Variants in PCDHA9 observed in about 807,000 individuals in gnomAD.
PCDHA9 encodes protocadherin alpha 9, also known as protocadherin alpha-9.
In PCDHA9, 62 loss-of-function variants were observed where a neutral mutation model predicts 62.0. That is an observed-to-expected ratio of 1.00 (90% CI 0.81 to 1.23). The LOEUF (loss-of-function observed/expected upper bound fraction) is 1.23, where lower values mean the gene tolerates loss of function less well. Among genes scored for constraint, PCDHA9 ranks in the 50% most tolerant of loss-of-function variants. PCDHA9 has a pLI of 0.00. For synonymous variants in PCDHA9, 557 were observed against 567.6 expected (o/e 0.98, Z 0.27); for missense variants, 1,205 against 1,249.8 (o/e 0.96, Z 0.54).
chr5:140,964,785 C>T (rs890090665), intron 1 of PCDHA9, among the ~76,000 whole-genome samples: 2 of 151,408 alleles, frequency 1.3e-5, no homozygotes, highest in East Asian at 3.9e-4. Context: ...GAGGAAGAAG[C>T]CAGAGACCCA....
At chr5:140,969,034 G>A in intron 1 of PCDHA9, 1 of 1,614,144 alleles carries the variant, frequency 6.2e-7, no homozygotes, top group East Asian at 2.2e-5. Flanking sequence ...CTGCAGAACT[G>A]TACAAACAAG....
chr5:140,951,863 C>T (rs991949987), intron 1 of PCDHA9, among the ~76,000 whole-genome samples: 10 of 152,096 alleles, frequency 6.6e-5, no homozygotes, highest in Non-Finnish European at 7.3e-5. Flanking sequence ...TCCAAAGTCT[C>T]ATCTGAGACA....
In PCDHA9 at chr5:140,928,392, G is replaced by A. The variant is rs17844366; in HGVS notation, c.2395-50557G>A. 2.0e-4 allele frequency: 326 copies of A among 1,614,052 alleles called. No homozygotes were observed. The East Asian group carries it at 6.6e-3, about 32-fold the overall frequency. Reference sequence around the variant, plus strand: ...CATCAGCCTCTAGCTTGCTGGCAGTGGAATCATCCAGTGGGGCCATCACTG... The same window carrying A: ...CATCAGCCTCTAGCTTGCTGGCAGTAGAATCATCCAGTGGGGCCATCACTG... On this transcript the variant is annotated intron_variant, in intron 1 of 3. Transcript: ENST00000532602.
At chr5:140,926,840 C>T (rs1427760232) in intron 1 of PCDHA9, 4 of 1,514,378 alleles carry the variant, frequency 2.6e-6, no homozygotes, top group South Asian at 2.7e-5. Flanking sequence ...GAGCATGGTC[C>T]TGGGTCACCG....
At chr5:140,917,352 C>G (rs2078160172) in intron 1 of PCDHA9, among the ~76,000 whole-genome samples, 1 of 141,764 alleles carries the variant, frequency 7.1e-6, no homozygotes, top group African/African-American at 2.6e-5. Context: ...GTGTAGGCTT[C>G]TGTTCCACTA....
chr5:140,848,521 C>T lies in PCDHA9; in HGVS notation c.26C>T (p.Pro9Leu), dbSNP rs2150411815. The T allele has an allele frequency of 1.3e-6, 2 of 1,592,868 alleles. 1 individual carries two copies. The highest frequency in any genetic ancestry group is 1.7e-6 in the Non-Finnish European group (2 of 1,164,010). Residue 9 changes from proline to leucine, a missense_variant, in exon 1 of 4, where the codon CCA (proline) becomes CTA (leucine). By Grantham distance (98) the Pro-to-Leu change is moderately conservative. Coordinates refer to ENST00000532602, the MANE Select transcript of PCDHA9 (RefSeq NM_031857.2). MLYSSRGD[P>L]EGQPLLLSLL... Reference sequence around the variant, plus strand: ...ATGTTATACTCAAGTCGAGGAGATCCAGAGGGTCAGCCTCTACTGCTCTCG... The same window carrying T: ...ATGTTATACTCAAGTCGAGGAGATCTAGAGGGTCAGCCTCTACTGCTCTCG...
chr5:140,969,222 C>T (rs782010447), intron 1 of PCDHA9: 1 of 1,614,154 alleles, frequency 6.2e-7, no homozygotes, highest in Non-Finnish European at 8.5e-7. Flanking sequence ...GGACCAGGGC[C>T]TTCGGGAGCC....
rs781989346 is a variant in PCDHA9 at position 140,869,537 on chromosome 5, C to CT, written c.2394+18649dup. 1.6e-5 allele frequency: 26 copies of CT among 1,614,202 alleles called. 1 individual carries two copies. The highest frequency in any genetic ancestry group is 1.9e-5 in the Non-Finnish European group (23 of 1,180,050). ...GAACAAAAGCTGCTGATTGCGGAAT[C>CT]TAAGCAATCGGACTCGCGTTTTCCA... On this transcript the variant is annotated intron_variant, in intron 1 of 3. Coordinates refer to ENST00000532602, the MANE Select transcript of PCDHA9 (RefSeq NM_031857.2).
chr5:140,891,877 T>A (rs2063293050), intron 1 of PCDHA9, among the ~76,000 whole-genome samples: 1 of 152,218 alleles, frequency 6.6e-6, no homozygotes, highest in East Asian at 1.9e-4. Flanking sequence ...TTTGGCTCTG[T>A]CATGTGACGA....
chr5:140,960,428 A>T (rs1317168418), intron 1 of PCDHA9, among the ~76,000 whole-genome samples: 3 of 152,178 alleles, frequency 2.0e-5, no homozygotes, highest in Non-Finnish European at 4.4e-5. Context: ...CAATTACTTG[A>T]TACTCTAGAT....
chr5:141,002,923 C>T (rs1261794185), intron 3 of PCDHA9, among the ~76,000 whole-genome samples: 6 of 152,220 alleles, frequency 3.9e-5, no homozygotes, highest in African/African-American at 1.2e-4. Flanking sequence ...AAAGTGAACA[C>T]CCTCCAACAC....
chr5:140,851,715 G>C, intron 1 of PCDHA9: 1 of 964,012 alleles, frequency 1.0e-6, no homozygotes, highest in Non-Finnish European at 1.3e-6. Context: ...GTGAAGATTC[G>C]AAACTTCGAG....
At chr5:140,994,809 C>G (rs1366407347) in intron 3 of PCDHA9, among the ~76,000 whole-genome samples, 1 of 152,016 alleles carries the variant, frequency 6.6e-6, no homozygotes, top group Non-Finnish European at 1.5e-5. Flanking sequence ...AAACAAAATA[C>G]AAAAAACTGA....
intron 1 of PCDHA9, chr5:140,875,828 T>C: frequency 6.2e-7 from 1 of 1,614,196 alleles, no homozygotes; most frequent in African/African-American, 1.3e-5. Flanking sequence ...GTTTTCCATG[T>C]GGACGTGGAG....
chr5:140,861,098 T>C (rs1334214171), intron 1 of PCDHA9: 1 of 152,426 alleles, frequency 6.6e-6, no homozygotes, highest in Non-Finnish European at 1.5e-5. Context: ...ATTGTTCCTG[T>C]ACTTTAAAAA....
chr5:140,982,089 C>A (rs2096965506), intron 2 of PCDHA9, among the ~76,000 whole-genome samples: 1 of 152,220 alleles, frequency 6.6e-6, no homozygotes, highest in Non-Finnish European at 1.5e-5. Context: ...AACCTAGGAA[C>A]AAGAGAACCT....
chr5:140,866,359 A>ATT (rs1376841789), intron 1 of PCDHA9: 14 of 152,148 alleles, frequency 9.2e-5, no homozygotes, highest in African/African-American at 2.9e-4. Context: ...TGTTTACAAT[A>ATT]TTGCATACTT....
chr5:140,860,136 T>C (rs2150487566), intron 1 of PCDHA9: 1 of 150,532 alleles, frequency 6.6e-6, no homozygotes, highest in East Asian at 2.0e-4. Context: ...TGTGTGTGTA[T>C]ATATATGTAT....
intron 1 of PCDHA9, among the ~76,000 whole-genome samples, chr5:140,893,497 G>GA (rs1157700367): frequency 4.1e-4 from 62 of 150,170 alleles, no homozygotes; most frequent in African/African-American, 1.2e-3. Context: ...TCACAAAAAA[G>GA]AAAAAAAAAG....
Sources: allele counts gnomAD v4.1 joint callset (sites outside exome capture counted in the v4.1 genomes callset), GRCh38; gene constraint gnomAD v4.1.1; transcripts MANE v1.5; gene names NCBI Gene and HGNC (gene_info 2026-07-23, HGNC 2026-07-21).